TRPS1: variants seen among roughly 807,000 people sequenced by gnomAD.
The protein encoded by TRPS1 is transcriptional repressor GATA binding 1.
A neutral mutation model predicts 101.2 loss-of-function variants in TRPS1; 6 were observed. That is an observed-to-expected ratio of 0.06 (90% CI 0.03 to 0.12). TRPS1 has a LOEUF of 0.12. Ranked by LOEUF, TRPS1 falls within the 10% of genes least tolerant of loss-of-function variation. The pLI is 1.00. For synonymous variants in TRPS1, 578 were observed against 589.8 expected, an observed-to-expected ratio of 0.98 and a Z score of 0.29; for missense variants, 1,363 against 1,567.0, an observed-to-expected ratio of 0.87 and a Z score of 2.20.
At chr8:115,621,475 GT>G (rs1270784313) in intron 2 of TRPS1, among the ~76,000 whole-genome samples, 10 of 152,162 alleles carry the variant, frequency 6.6e-5, no homozygotes, top group Non-Finnish European at 1.5e-4. Flanking sequence ...GGATAGACAA[GT>G]GTACCTTTGC....
intron 5 of TRPS1, among the ~76,000 whole-genome samples, chr8:115,466,238 G>A (rs138248738): frequency 1.9e-4 from 29 of 152,114 alleles, no homozygotes; most frequent in African/African-American, 6.3e-4. Context: ...TGCCATAGGC[G>A]AAGCAAACAA....
At chr8:115,535,707 A>T (rs1198203317) in intron 5 of TRPS1, among the ~76,000 whole-genome samples, 2 of 151,036 alleles carry the variant, frequency 1.3e-5, no homozygotes, top group Non-Finnish European at 3.0e-5. Flanking sequence ...TAAAAATACA[A>T]AAAAAATTAC....
intron 1 of TRPS1, among the ~76,000 whole-genome samples, chr8:115,665,391 T>C (rs989670038): frequency 6.6e-6 from 1 of 152,192 alleles, no homozygotes; most frequent in Non-Finnish European, 1.5e-5. Flanking sequence ...ATAGTAGTGA[T>C]AATAGAACCG....
intron 3 of TRPS1, 138 bp from the exon 4 acceptor site, chr8:115,605,140 G>A: frequency 1.3e-6 from 1 of 780,998 alleles, no homozygotes; most frequent in South Asian, 1.6e-5. Flanking sequence ...GAAATCACTT[G>A]AATAATCAGA....
At chr8:115,520,041 C>T (rs138512408) in intron 5 of TRPS1, among the ~76,000 whole-genome samples, 396 of 151,726 alleles carry the variant, frequency 2.6e-3, no homozygotes, top group African/African-American at 9.3e-3. Context: ...ATTCTAAACA[C>T]TGATTCATAT....
chr8:115,573,043 GA>G (rs1253718356), intron 5 of TRPS1, among the ~76,000 whole-genome samples: 1 of 152,012 alleles, frequency 6.6e-6, no homozygotes, highest in Non-Finnish European at 1.5e-5. Context: ...AGAGTCGCTT[GA>G]ACCCAGGAGG....
intron 5 of TRPS1, among the ~76,000 whole-genome samples, chr8:115,470,588 G>A (rs1370621946): frequency 6.6e-6 from 1 of 152,094 alleles, no homozygotes; most frequent in East Asian, 1.9e-4. Context: ...GGTCAATACA[G>A]TTTTATTAAA....
In TRPS1 at chr8:115,408,881, T is replaced by C. The variant is rs530536093; in HGVS notation, c.*5142A>G. On this transcript the variant is annotated 3_prime_UTR_variant, in exon 7 of 7. Coordinates refer to ENST00000395715, the MANE Select transcript of TRPS1 (RefSeq NM_014112.5). ...GTCAAATAGTCCGCCCTAAGGAATT[T>C]GGCGTTTATTATTGTGATATTTGCC... The C allele has an allele frequency of 5.2e-5, 8 of 152,412 alleles. No homozygotes were observed. In the South Asian group the frequency reaches 1.5e-3, roughly 28 times the overall value. 9.4% of individuals were successfully genotyped at this position (152,412 alleles called of 1,614,324 possible).
At chr8:115,471,925 C>T (rs1290980964) in intron 5 of TRPS1, among the ~76,000 whole-genome samples, 1 of 152,222 alleles carries the variant, frequency 6.6e-6, no homozygotes, top group African/African-American at 2.4e-5. Flanking sequence ...TGGGCAGCTC[C>T]ACCCCTGTGG....
At chr8:115,533,436 G>GTTTTTTTTTTTTTGTTTTTTTTTTTTT (rs1816189208) in intron 5 of TRPS1, among the ~76,000 whole-genome samples, 2 of 34,984 alleles carry the variant, frequency 5.7e-5, no homozygotes, top group African/African-American at 2.1e-4. Flanking sequence ...CATGTAATCT[G>GTTTTTTTTTTTTTGTTTTTTTTTTTTT]TTTTTTTTTT....
chr8:115,460,664 T>G (rs1415019778), intron 5 of TRPS1, among the ~76,000 whole-genome samples: 1 of 152,090 alleles, frequency 6.6e-6, no homozygotes, highest in Non-Finnish European at 1.5e-5. Flanking sequence ...GTTTTTTTCT[T>G]AGAGTGAAGC....
At chr8:115,645,154 T>TA (rs1452903998) in intron 1 of TRPS1, among the ~76,000 whole-genome samples, 16 of 152,178 alleles carry the variant, frequency 1.1e-4, no homozygotes, top group Admixed American at 1.0e-3. Flanking sequence ...TCTTTATTTA[T>TA]AAAAAAGGTA....
intron 5 of TRPS1, among the ~76,000 whole-genome samples, chr8:115,580,835 T>C (rs991932098): frequency 4.6e-5 from 7 of 152,028 alleles, no homozygotes; most frequent in Non-Finnish European, 7.4e-5. Context: ...GAGAACAGTA[T>C]GGAGGCTCCT....
intron 1 of TRPS1, among the ~76,000 whole-genome samples, chr8:115,644,555 A>G (rs1315184977): frequency 6.6e-6 from 1 of 152,182 alleles, no homozygotes; most frequent in Non-Finnish European, 1.5e-5. Flanking sequence ...AACTTTCTCC[A>G]TATCAGCAAT....
chr8:115,531,098 A>G (rs1042577434), intron 5 of TRPS1, among the ~76,000 whole-genome samples: 3 of 152,144 alleles, frequency 2.0e-5, no homozygotes, highest in Non-Finnish European at 2.9e-5. Context: ...TTAAAAAAAG[A>G]GTATGTTAAG....
intron 5 of TRPS1, among the ~76,000 whole-genome samples, chr8:115,464,176 T>C (rs979687971): frequency 1.3e-5 from 2 of 152,116 alleles, no homozygotes; most frequent in East Asian, 3.8e-4. Flanking sequence ...GAAAGCCTAG[T>C]AATAGAGCAC....
In TRPS1 at chr8:115,603,963, C is replaced by T. The variant is rs1817967949; in HGVS notation, c.2006G>A (p.Gly669Glu). 6.2e-7 allele frequency: 1 copy of T among 1,613,924 alleles called. No individual in the cohort carries two copies. Among genetic ancestry groups the T allele is most frequent in the South Asian group, 1.1e-5 (1 of 91,072 alleles). ...TTTGCTTTCCTTGACAGACTGCTGC[C>T]CATCCGATCCTTGCAGGTGATTTGC... Reference protein sequence around the residue: ...QEANHLQGSDGQQSVKESKEH... With the variant: ...QEANHLQGSDEQQSVKESKEH... The change falls in exon 4 of 7, where the codon GGG (glycine) becomes GAG (glutamate). Residue 669 changes from glycine (G) to glutamate (E), a missense_variant. Physicochemically the swap from Gly to Glu is moderately conservative, Grantham distance 98 (BLOSUM62 -2). Around this residue, in one of 5 missense-constraint regions of TRPS1, gnomAD observed 1,020 missense variants for 1,073.0 expected, o/e 0.95. Transcript: ENST00000395715.
At chr8:115,630,909 T>A (rs1346642775) in intron 1 of TRPS1, among the ~76,000 whole-genome samples, 1 of 152,058 alleles carries the variant, frequency 6.6e-6, no homozygotes, top group African/African-American at 2.4e-5. Context: ...AGTGATAACA[T>A]TTTAAGAAAC....
chr8:115,618,225 T>A (rs963039663), intron 3 of TRPS1, among the ~76,000 whole-genome samples: 1 of 152,192 alleles, frequency 6.6e-6, no homozygotes, highest in African/African-American at 2.4e-5. Context: ...CCTGGCCTTA[T>A]AATACAATAA....
Sources: gnomAD v4.1 joint callset for allele counts (sites outside exome capture counted in the v4.1 genomes callset) on GRCh38, gnomAD v4.1.1 for gene constraint, gnomAD v4.1.1 regional missense constraint, MANE v1.5 for transcripts, NCBI Gene and HGNC (gene_info 2026-07-23, HGNC 2026-07-21) for gene names.